NADK: variants seen among roughly 807,000 people sequenced by gnomAD.
NADK encodes the protein poly(P)/ATP NAD kinase.
NADK carries 22 observed loss-of-function variants against 49.8 expected under a neutral mutation model. The ratio of observed to expected loss-of-function variants is 0.44; its 90% CI spans 0.32 to 0.63. NADK has a LOEUF of 0.63. Ranked by LOEUF, NADK falls within the 30% of genes least tolerant of loss-of-function variation. The pLI is 0.06. For missense variants in NADK, 438 were observed against 609.4 expected (o/e 0.72, Z 2.96); for synonymous variants, 268 against 253.7 (o/e 1.06, Z -0.54).
chr1:1,767,374 G>A (rs1645919727), intron 1 of NADK, among the ~76,000 whole-genome samples: 1 of 152,190 alleles, frequency 6.6e-6, no homozygotes, highest in South Asian at 2.1e-4. Context: ...GAAGCTGGAG[G>A]TGACATAAAC....
intron 3 of NADK, chr1:1,759,210 C>A: frequency 1.3e-6 from 2 of 1,575,592 alleles, no homozygotes; most frequent in Non-Finnish European, 8.6e-7. Context: ...TGTGTGTGAC[C>A]ACAAACCAGC....
chr1:1,755,495 G>T lies in NADK; in HGVS notation c.586-19C>A. 1 of 1,593,256 alleles carries T rather than the reference G, an allele frequency of 6.3e-7. No homozygotes were observed. On this transcript the variant is annotated intron_variant, in intron 6 of 11. Transcript: ENST00000341426. ...CGCTGCCCTGTGAGCCGACGGAGAG[G>T]TCACTCAGTGCCCACGCCGTGCACC...
chr1:1,777,146 T>C (rs1646236419), intron 1 of NADK, among the ~76,000 whole-genome samples: 2 of 152,160 alleles, frequency 1.3e-5, no homozygotes, highest in Admixed American at 6.6e-5. Flanking sequence ...AGCTATTTTG[T>C]TGGGTACTGC....
intron 1 of NADK, among the ~76,000 whole-genome samples, chr1:1,767,604 G>A (rs1645925442): frequency 6.6e-6 from 1 of 152,224 alleles, no homozygotes; most frequent in African/African-American, 2.4e-5. Context: ...AAATCTTAAT[G>A]AGGACAAGGT....
intron 3 of NADK, chr1:1,758,753 G>T: frequency 1.5e-6 from 1 of 664,310 alleles, no homozygotes; most frequent in Non-Finnish European, 1.9e-6. Context: ...CCTCAGTTCA[G>T]CAGCAAAGAG....
chr1:1,759,814 C>T (rs1198780438), intron 3 of NADK: 2 of 1,553,540 alleles, frequency 1.3e-6, no homozygotes, highest in Non-Finnish European at 1.7e-6. Flanking sequence ...TGAGGCAGAA[C>T]ATGCACCTGT....
upstream of NADK, among the ~76,000 whole-genome samples, chr1:1,778,985 C>A (rs1047477681): frequency 6.6e-6 from 1 of 152,210 alleles, no homozygotes; most frequent in Non-Finnish European, 1.5e-5. This position sits in a 1 kb window ranked among gnomAD's most constrained non-coding sequence, Gnocchi z 4.9. Context: ...ATTTGGGAAC[C>A]GAAACTTAGA....
intron 1 of NADK, among the ~76,000 whole-genome samples, chr1:1,776,713 C>A (rs1458051022): frequency 2.8e-5 from 4 of 144,426 alleles, no homozygotes; most frequent in Non-Finnish European, 6.0e-5. Flanking sequence ...GTGGAGGTTG[C>A]AGTGAGCCGA....
chr1:1,754,502 C>A lies in NADK; in HGVS notation c.843+42G>T. The A allele has an allele frequency of 2.1e-6, 1 of 467,748 alleles. No homozygotes were observed. The highest frequency in any genetic ancestry group is 3.4e-6 in the Non-Finnish European group (1 of 293,918). The allele number at this position is 467,748 out of a possible 1,614,324, so 29.0% of individuals were successfully genotyped here. ...CCTCATCCCTGGGACCGAAGTCGCC[C>A]CACCCTGGGCCCCTCACCGAGGCCG... On this transcript the variant is annotated intron_variant, in intron 8 of 11. Transcript: ENST00000341426. This position sits in a 1 kb window ranked among gnomAD's most constrained non-coding sequence, Gnocchi z 4.3.
At chr1:1,758,857 C>G (rs1375590743) in intron 3 of NADK, among the ~76,000 whole-genome samples, 1 of 152,184 alleles carries the variant, frequency 6.6e-6, no homozygotes, top group Non-Finnish European at 1.5e-5. Context: ...CAGCCTCCAG[C>G]CTCGCCCCAG....
At chr1:1,772,103 C>T (rs1352258452) in intron 1 of NADK, among the ~76,000 whole-genome samples, 1 of 151,972 alleles carries the variant, frequency 6.6e-6, no homozygotes. Flanking sequence ...GCCACCTCAC[C>T]CAGCTGGAAA....
intron 7 of NADK, 26 bp downstream of exon 7, chr1:1,755,346 CTG>C (rs1557835359): frequency 6.5e-7 from 1 of 1,538,306 alleles, no homozygotes; most frequent in East Asian, 2.2e-5. Context: ...ATCAGAGCTC[CTG>C]TGGGCTCCAG....
chr1:1,773,707 T>TGAGA (rs1228662573), intron 1 of NADK, among the ~76,000 whole-genome samples: 5 of 107,140 alleles, frequency 4.7e-5, no homozygotes, highest in East Asian at 6.1e-4. Context: ...TGTGTGTGTG[T>TGAGA]GTGTGTGTGT....
At chr1:1,753,410 G>A (rs530134941) in intron 11 of NADK, among the ~76,000 whole-genome samples, 157 bp downstream of exon 11, 34 of 152,290 alleles carry the variant, frequency 2.2e-4, no homozygotes, top group African/African-American at 7.0e-4. Flanking sequence ...CCCCCAGGAC[G>A]GGTGCCCCGA....
intron 10 of NADK, 81 bp from the exon 11 acceptor site, chr1:1,753,730 G>A: frequency 7.7e-7 from 1 of 1,292,070 alleles, no homozygotes; most frequent in Non-Finnish European, 1.1e-6. Flanking sequence ...GTGCTCGCCA[G>A]AGGTCGAAGG....
At chr1:1,765,494 T>A in intron 1 of NADK, 48 bp from the exon 2 acceptor site, 1 of 967,156 alleles carries the variant, frequency 1.0e-6, no homozygotes, top group African/African-American at 1.7e-5. Flanking sequence ...TAAATATGTA[T>A]GAAACAATAA....
rs1645892007 is a variant in NADK at position 1,766,482 on chromosome 1, C to T, written c.-40-1036G>A. Among the ~76,000 whole-genome samples, 8 of 115,320 alleles carry T rather than the reference C, an allele frequency of 6.9e-5. No individual in the cohort carries two copies. The South Asian group carries it at 2.5e-3, about 36-fold the overall frequency. The allele number at this position is 115,320 out of a possible 152,430, so 75.7% of individuals were successfully genotyped here. A position where few individuals can be genotyped will look rare whatever the true frequency, so the allele number is the denominator to read the frequency against. ...CTCTTTTCTCGTAAACAATACAACA[C>T]ATTAATGAGAGAGAAAGTGTGCAAT... On this transcript the variant is annotated intron_variant, in intron 1 of 11. Transcript: ENST00000341426.
At chr1:1,780,376 C>A (rs1646329867), upstream of NADK, 1 of 152,198 alleles carries the variant, frequency 6.6e-6, no homozygotes, top group African/African-American at 2.4e-5. Flanking sequence ...TGTCGTGGGC[C>A]CCAGGTCACA....
chr1:1,755,915 G>A (rs1047278941), intron 6 of NADK: 4 of 484,078 alleles, frequency 8.3e-6, no homozygotes, highest in African/African-American at 5.8e-5. Flanking sequence ...TACAGCCCCA[G>A]GGGAGAGCTG....
Sources: gnomAD v4.1 joint callset for allele counts (sites outside exome capture counted in the v4.1 genomes callset) on GRCh38, gnomAD v4.1.1 for gene constraint, Gnocchi (gnomAD v3.1) non-coding constraint, MANE v1.5 for transcripts, NCBI Gene and HGNC (gene_info 2026-07-23, HGNC 2026-07-21) for gene names.